ROBO1: variants seen among roughly 807,000 people sequenced by gnomAD.
ROBO1 encodes roundabout homolog 1.
In ROBO1, 149 loss-of-function variants were observed where a neutral mutation model predicts 195.9. The observed-to-expected ratio is 0.76, with a 90% CI of 0.67 to 0.87. The LOEUF (loss-of-function observed/expected upper bound fraction) is 0.87, where lower values mean the gene tolerates loss of function less well. Among genes scored for constraint, ROBO1 ranks in the 40% least tolerant of loss-of-function variants. The pLI, the probability that ROBO1 is intolerant of heterozygous loss-of-function variation, is 0.00. For missense variants in ROBO1, 1,933 were observed against 2,068.3 expected (o/e 0.93, Z 1.27); for synonymous variants, 816 against 733.2 (o/e 1.11, Z -1.82).
intron 2 of ROBO1, among the ~76,000 whole-genome samples, chr3:79,372,141 T>C (rs1332639831): frequency 6.6e-6 from 1 of 151,866 alleles, no homozygotes; most frequent in African/African-American, 2.4e-5. Context: ...GTCTGGTTCT[T>C]AACAATCCAT....
chr3:78,710,501 T>C (rs1476645252), intron 8 of ROBO1, among the ~76,000 whole-genome samples: 1 of 152,188 alleles, frequency 6.6e-6, no homozygotes, highest in East Asian at 1.9e-4. Context: ...AATTAAGCAA[T>C]AAAGCTATCA....
At chr3:78,920,627 T>TTG (rs2038887357) in intron 4 of ROBO1, among the ~76,000 whole-genome samples, 2 of 127,280 alleles carry the variant, frequency 1.6e-5, no homozygotes, top group African/African-American at 6.5e-5. Context: ...TCTTTCAGTT[T>TTG]TTTTTTTTTT....
chr3:79,054,653 T>C (rs1190339829), intron 3 of ROBO1, among the ~76,000 whole-genome samples: 3 of 152,088 alleles, frequency 2.0e-5, no homozygotes, highest in Non-Finnish European at 4.4e-5. Flanking sequence ...AAAATTGCAC[T>C]TAAAAACTTA....
intron 2 of ROBO1, among the ~76,000 whole-genome samples, chr3:79,139,137 CA>C (rs1417761421): frequency 1.3e-5 from 2 of 150,842 alleles, no homozygotes; most frequent in African/African-American, 4.9e-5. Context: ...ACATCAATAA[CA>C]TATATATATA....
At chr3:79,420,389 C>T (rs2038176884) in intron 2 of ROBO1, among the ~76,000 whole-genome samples, 1 of 152,092 alleles carries the variant, frequency 6.6e-6, no homozygotes, top group Non-Finnish European at 1.5e-5. Context: ...ACAAAGTCTT[C>T]CATATCAAAT....
chr3:79,632,569 C>T (rs1205221888), intron 1 of ROBO1, among the ~76,000 whole-genome samples: 3 of 152,074 alleles, frequency 2.0e-5, no homozygotes, highest in Non-Finnish European at 4.4e-5. Context: ...GTCCAGGCCT[C>T]ACCATTATGC....
At chr3:79,018,515 T>C (rs2108260660) in intron 3 of ROBO1, 8 of 1,609,240 alleles carry the variant, frequency 5.0e-6, no homozygotes, top group Non-Finnish European at 6.8e-6. Context: ...GGAGTGGAAA[T>C]AGGGTCCCCA....
At chr3:78,815,488 T>C (rs2084872176) in intron 4 of ROBO1, among the ~76,000 whole-genome samples, 1 of 152,142 alleles carries the variant, frequency 6.6e-6, no homozygotes, top group Non-Finnish European at 1.5e-5. Flanking sequence ...AGCCAAAACC[T>C]AATCTAGGGC....
At chr3:78,603,205 C>T (rs1385970157) in intron 29 of ROBO1, among the ~76,000 whole-genome samples, 1 of 152,140 alleles carries the variant, frequency 6.6e-6, no homozygotes. Context: ...CCTTCATGTA[C>T]CTCAAGAGCT....
chr3:78,825,812 A>T (rs769992800), intron 4 of ROBO1, among the ~76,000 whole-genome samples: 10 of 152,136 alleles, frequency 6.6e-5, no homozygotes, highest in Non-Finnish European at 1.3e-4. Flanking sequence ...AAATGTGCTG[A>T]TACTGTTCAA....
intron 2 of ROBO1, among the ~76,000 whole-genome samples, chr3:79,520,925 C>T (rs975041994): frequency 2.6e-5 from 4 of 151,578 alleles, no homozygotes; most frequent in Non-Finnish European, 5.9e-5. Flanking sequence ...AAGTATAGGA[C>T]AAAACACTTG....
intron 3 of ROBO1, among the ~76,000 whole-genome samples, chr3:78,991,771 T>C (rs1196146232): frequency 2.0e-5 from 3 of 152,100 alleles, no homozygotes; most frequent in African/African-American, 7.2e-5. Context: ...ATAGGAAGGA[T>C]TATCAGACAT....
At chr3:78,989,469 C>G (rs1164572414) in intron 3 of ROBO1, among the ~76,000 whole-genome samples, 1 of 152,214 alleles carries the variant, frequency 6.6e-6, no homozygotes, top group South Asian at 2.1e-4. Flanking sequence ...CAAAAATTAG[C>G]TGGGCATGGT....
intron 2 of ROBO1, among the ~76,000 whole-genome samples, chr3:79,220,806 A>G (rs2082124444): frequency 6.6e-6 from 1 of 152,012 alleles, no homozygotes; most frequent in African/African-American, 2.4e-5. Flanking sequence ...TTTTCAAATG[A>G]TCTCCTCAGG....
At chr3:79,259,046 T>C (rs1282510514) in intron 2 of ROBO1, among the ~76,000 whole-genome samples, 2 of 152,130 alleles carry the variant, frequency 1.3e-5, no homozygotes, top group African/African-American at 2.4e-5. Flanking sequence ...TAAACTTTAA[T>C]ATTCAAAGGA....
intron 28 of ROBO1, among the ~76,000 whole-genome samples, chr3:78,610,442 A>C (rs1170114741): frequency 6.6e-6 from 1 of 152,148 alleles, no homozygotes; most frequent in African/African-American, 2.4e-5. Flanking sequence ...CAAGGGGAAA[A>C]AAGTCTAATT....
chr3:78,670,297 A>C lies in ROBO1; in HGVS notation c.1347T>G (p.Ile449Met), dbSNP rs752221035. 1.3e-6 allele frequency: 2 copies of C among 1,557,912 alleles called. No individual in the cohort carries two copies. Among genetic ancestry groups the C allele is most frequent in the Non-Finnish European group, 1.7e-6 (2 of 1,150,220 alleles). The change falls in exon 11 of 31, where the codon ATT becomes ATG. Residue 449 changes from isoleucine (I) to methionine (M), a missense_variant. Transcript: ENST00000464233. ...TKAYLEVTDV[I>M]ADRPPPVIRQ... ...GAATAACTGGGGGAGGCCGATCTGC[A>C]ATCACTGCCAGAAGAAACAACAGGA...
At chr3:78,939,645 T>C (rs1305226611) in intron 3 of ROBO1, among the ~76,000 whole-genome samples, 1 of 147,768 alleles carries the variant, frequency 6.8e-6, no homozygotes, top group East Asian at 2.0e-4. Flanking sequence ...GAAAAAAAAA[T>C]GCTATATACT....
rs371785261 is a variant in ROBO1, at chr3:79,532,425, T to C, written c.88+57399A>G. Among the ~76,000 whole-genome samples the C allele has an allele frequency of 2.0e-5, 3 of 152,184 alleles. No homozygotes were observed. In the South Asian group the frequency reaches 6.2e-4, roughly 32 times the overall value. ...AACATAGAAGGAAAATAAATTTAAA[T>C]TCAATTATGAATGTATTATAAAATG... On this transcript the variant is annotated intron_variant, in intron 2 of 30. Coordinates refer to ENST00000464233, the MANE Select transcript of ROBO1 (RefSeq NM_002941.4).
Sources: allele counts gnomAD v4.1 joint callset (sites outside exome capture counted in the v4.1 genomes callset), GRCh38; gene constraint gnomAD v4.1.1; transcripts MANE v1.5; gene names NCBI Gene and HGNC (gene_info 2026-07-23, HGNC 2026-07-21).